The following RPSA2 variants were observed in gnomAD, a reference collection of about 807,000 sequenced individuals.
RPSA2 encodes the protein ribosomal protein SA 2, also known as small ribosomal subunit protein uS2B.
chr19:23,853,353 C>T, the RPSA2 span, among the ~76,000 whole-genome samples: 3 of 121,312 alleles, frequency 2.5e-5, no homozygotes, highest in Non-Finnish European at 5.1e-5. Flanking sequence ...CCGCCACTTG[C>T]CTGATTTCTT....
At chr19:23,824,804 A>G in the RPSA2 span, among the ~76,000 whole-genome samples, 1 of 125,504 alleles carries the variant, frequency 8.0e-6, no homozygotes, top group Admixed American at 9.0e-5. Context: ...AAGTAAATTT[A>G]AATCAAGTAT....
chr19:23,823,545 G>A, the RPSA2 span, among the ~76,000 whole-genome samples: 548 of 152,082 alleles, frequency 3.6e-3, 4 homozygotes, highest in South Asian at 0.012. Flanking sequence ...GTCACACACC[G>A]TCCTACTCCC....
chr19:23,833,019 T>C, the RPSA2 span: 1 of 1,403,542 alleles, frequency 7.1e-7, no homozygotes, highest in Non-Finnish European at 9.4e-7. Flanking sequence ...CAATTTTTGC[T>C]AACCATAAGA....
the RPSA2 span, among the ~76,000 whole-genome samples, chr19:23,833,803 CAAATAT>C: frequency 6.6e-6 from 1 of 151,958 alleles, no homozygotes; most frequent in Non-Finnish European, 1.5e-5. Context: ...AAAAGCACTA[CAAATAT>C]AAATAGGGTT....
chr19:23,832,292 G>T, the RPSA2 span: 1 of 459,136 alleles, frequency 2.2e-6, no homozygotes. Flanking sequence ...ATTCATACTA[G>T]AGGGAAACAT....
chr19:23,758,740 T>G, the RPSA2 span: 1 of 1,614,216 alleles, frequency 6.2e-7, no homozygotes, highest in African/African-American at 1.3e-5. Flanking sequence ...GGACCCGACA[T>G]TCTCACCATT....
chr19:23,869,870 C>T, the RPSA2 span, among the ~76,000 whole-genome samples: 5 of 152,220 alleles, frequency 3.3e-5, no homozygotes, highest in Admixed American at 1.3e-4. Context: ...AATATCACCA[C>T]TCAACTTATG....
the RPSA2 span, among the ~76,000 whole-genome samples, chr19:23,850,312 TTAAA>T: frequency 3.8e-5 from 3 of 78,824 alleles, no homozygotes; most frequent in Admixed American, 4.5e-4. Context: ...AGGAGAAATA[TTAAA>T]TAAAACCTAT....
chr19:23,829,803 T>A, the RPSA2 span, among the ~76,000 whole-genome samples: 1 of 152,194 alleles, frequency 6.6e-6, no homozygotes, highest in South Asian at 2.1e-4. Flanking sequence ...TTTATAATGA[T>A]TTCTATTCTT....
chr19:23,854,465 A>G, the RPSA2 span, among the ~76,000 whole-genome samples: 1 of 152,064 alleles, frequency 6.6e-6, no homozygotes, highest in Admixed American at 6.6e-5. Context: ...CTGCATTGGG[A>G]CTGCTTGAAG....
the RPSA2 span, among the ~76,000 whole-genome samples, chr19:23,764,860 A>G: frequency 1.6e-4 from 24 of 151,900 alleles, no homozygotes; most frequent in East Asian, 4.1e-3. Context: ...CACACACCCT[A>G]CTAGTACGTC....
chr19:23,785,362 G>T, the RPSA2 span, among the ~76,000 whole-genome samples: 1 of 151,964 alleles, frequency 6.6e-6, no homozygotes, highest in Non-Finnish European at 1.5e-5. Context: ...AAAAAGGGAG[G>T]CTTCTGCTTG....
the RPSA2 span, among the ~76,000 whole-genome samples, chr19:23,762,515 A>C: frequency 1.8e-4 from 28 of 151,922 alleles, no homozygotes; most frequent in African/African-American, 6.8e-4. Context: ...ATCTCTACTA[A>C]AAATACAAAA....
At chr19:23,771,198 A>G in the RPSA2 span, among the ~76,000 whole-genome samples, 2 of 152,216 alleles carry the variant, frequency 1.3e-5, no homozygotes, top group African/African-American at 2.4e-5. Flanking sequence ...ATCCTTCCAC[A>G]TAAACACAGC....
chr19:23,765,542 A>G, the RPSA2 span, among the ~76,000 whole-genome samples: 1 of 152,226 alleles, frequency 6.6e-6, no homozygotes, highest in African/African-American at 2.4e-5. Flanking sequence ...CAGGAATAGA[A>G]AACTAAATAC....
At chr19:23,760,720 A>G in the RPSA2 span, among the ~76,000 whole-genome samples, 1 of 148,764 alleles carries the variant, frequency 6.7e-6, no homozygotes, top group African/African-American at 2.5e-5. Flanking sequence ...GCTGGAGTGC[A>G]ATGGTGCAGT....
chr19:23,837,155 T>C, the RPSA2 span, among the ~76,000 whole-genome samples: 1 of 152,180 alleles, frequency 6.6e-6, no homozygotes, highest in South Asian at 2.1e-4. Context: ...GTTGATTTTT[T>C]TTTAATAAGA....
chr19:23,761,901 A>ATCCATCCATCCTTCCTTCCTTCCTTCC, the RPSA2 span, among the ~76,000 whole-genome samples: 1 of 34,016 alleles, frequency 2.9e-5, no homozygotes, highest in African/African-American at 9.6e-5. Flanking sequence ...GGGTAACGTA[A>ATCCATCCATCCTTCCTTCCTTCCTTCC]TTCTTTCTTT....
the RPSA2 span, among the ~76,000 whole-genome samples, chr19:23,831,347 A>T: frequency 6.6e-6 from 1 of 152,166 alleles, no homozygotes; most frequent in African/African-American, 2.4e-5. Context: ...GGGTGAATTT[A>T]ACACTTCCTT....
Sources: allele counts gnomAD v4.1 joint callset (sites outside exome capture counted in the v4.1 genomes callset), GRCh38; gene constraint gnomAD v4.1.1; transcripts MANE v1.5; gene names NCBI Gene and HGNC (gene_info 2026-07-23, HGNC 2026-07-21).